Variants in ADK observed in about 807,000 individuals in gnomAD.
The protein encoded by ADK is adenosine kinase.
A neutral mutation model predicts 44.7 loss-of-function variants in ADK; 24 were observed. The observed-to-expected ratio is 0.54, with a 90% CI of 0.39 to 0.76. ADK has a LOEUF of 0.76. Among genes scored for constraint, ADK ranks in the 30% least tolerant of loss-of-function variants. The probability of loss-of-function intolerance (pLI) is 0.00; values close to 1 mark genes in which losing one functional copy is unlikely to be tolerated. For synonymous variants in ADK, 128 were observed against 142.6 expected, an observed-to-expected ratio of 0.90 and a Z score of 0.73; for missense variants, 321 against 425.1, an observed-to-expected ratio of 0.76 and a Z score of 2.15.
chr10:74,363,460 A>G (rs1018075736), intron 4 of ADK, among the ~76,000 whole-genome samples: 1 of 151,808 alleles, frequency 6.6e-6, no homozygotes, highest in African/African-American at 2.4e-5. Context: ...TGTGCTTGTC[A>G]TGTTGGCTCA....
At position 74,257,645 on chromosome 10, in the gene ADK, CTA is replaced by C. The variant is rs568503084; in HGVS notation, c.194+33056_194+33057del. ...TATGGTGGTTTATTGATTATCATAA[CTA>C]TGAATAATGAGTAAAAATTATACAA... On this transcript the variant is annotated intron_variant, in intron 3 of 10. Transcript: ENST00000539909. Among the ~76,000 whole-genome samples the C allele has an allele frequency of 3.9e-3, 590 of 152,080 alleles. 2 individuals carry two copies. The highest frequency in any genetic ancestry group is 7.2e-3 in the Non-Finnish European group (489 of 67,986).
At chr10:74,309,179 T>G (rs1840354930) in intron 3 of ADK, among the ~76,000 whole-genome samples, 1 of 152,148 alleles carries the variant, frequency 6.6e-6, no homozygotes, top group Non-Finnish European at 1.5e-5. Flanking sequence ...GCTTTTGTAT[T>G]CCTTATTGTT....
chr10:74,519,243 A>G (rs1848714016), intron 6 of ADK, among the ~76,000 whole-genome samples: 1 of 152,140 alleles, frequency 6.6e-6, no homozygotes, highest in South Asian at 2.1e-4. Flanking sequence ...CAATGTCAAA[A>G]TAAAATGTAG....
chr10:74,290,074 A>ACG (rs200106704), intron 3 of ADK, among the ~76,000 whole-genome samples: 2,873 of 147,630 alleles, frequency 0.019, 45 homozygotes, highest in Non-Finnish European at 0.029. Context: ...TAAACTACTC[A>ACG]CGCGCACACA....
In ADK at chr10:74,623,720, C is replaced by CATAT. The variant is rs149098919; in HGVS notation, c.877+23239_877+23242dup. 7.0e-3 allele frequency among the ~76,000 whole-genome samples: 1,033 copies of CATAT among 148,332 alleles called. 7 individuals carry two copies. Among genetic ancestry groups the CATAT allele is most frequent in the African/African-American group, 0.025 (999 of 40,662 alleles). On this transcript the variant is annotated intron_variant, in intron 9 of 10. Coordinates refer to ENST00000539909, the MANE Select transcript of ADK (RefSeq NM_006721.4). Reference sequence around the variant, plus strand: ...ATACATAATATATATGTATTCTAGGCATATATATATATATACACACACATT... The same window carrying CATAT: ...ATACATAATATATATGTATTCTAGGCATATATATATATATATATACACACACATT...
intron 6 of ADK, among the ~76,000 whole-genome samples, chr10:74,414,174 A>T (rs145202578): frequency 6.6e-6 from 1 of 152,232 alleles, no homozygotes; most frequent in Non-Finnish European, 1.5e-5. Context: ...TAATGACACC[A>T]TACTCAAGGC....
At chr10:74,662,575 C>G (rs949766271) in intron 9 of ADK, among the ~76,000 whole-genome samples, 1 of 152,146 alleles carries the variant, frequency 6.6e-6, no homozygotes, top group African/African-American at 2.4e-5. Flanking sequence ...GCCACTGTGC[C>G]CAGCAATATT....
chr10:74,189,702 C>T (rs761936770), intron 1 of ADK, among the ~76,000 whole-genome samples: 5 of 152,150 alleles, frequency 3.3e-5, no homozygotes, highest in South Asian at 2.1e-4. Flanking sequence ...AATTCCAGAA[C>T]GTTTTTGTCC....
intron 7 of ADK, among the ~76,000 whole-genome samples, chr10:74,528,752 A>G (rs1044323794): frequency 2.6e-5 from 4 of 152,334 alleles, no homozygotes; most frequent in Admixed American, 2.0e-4. Flanking sequence ...ACAGATGGCC[A>G]GTAAACACAT....
chr10:74,594,374 C>T (rs886129157), intron 8 of ADK, among the ~76,000 whole-genome samples: 6 of 140,832 alleles, frequency 4.3e-5, no homozygotes, highest in African/African-American at 1.9e-4. Context: ...ACTAGTAATT[C>T]AAATGAAGTG....
chr10:74,613,482 C>T (rs1852631617), intron 9 of ADK, among the ~76,000 whole-genome samples: 1 of 152,114 alleles, frequency 6.6e-6, no homozygotes, highest in South Asian at 2.1e-4. Context: ...CTACAGTTTA[C>T]TTTAAATAGT....
chr10:74,515,709 C>G (rs1282368879), intron 6 of ADK, among the ~76,000 whole-genome samples: 1 of 152,168 alleles, frequency 6.6e-6, no homozygotes, highest in Non-Finnish European at 1.5e-5. Context: ...GGCCATATCA[C>G]CTTCTCAGAG....
chr10:74,488,499 A>G (rs1003908623), intron 6 of ADK, among the ~76,000 whole-genome samples: 1 of 150,900 alleles, frequency 6.6e-6, no homozygotes, highest in African/African-American at 2.4e-5. Context: ...TGGTTTCAAG[A>G]TGAAATTTGA....
At chr10:74,423,509 G>A (rs1381055827) in intron 6 of ADK, 1 of 199,772 alleles carries the variant, frequency 5.0e-6, no homozygotes, top group African/African-American at 2.4e-5. Flanking sequence ...TGGAGCACCA[G>A]GTGCACTCTG....
intron 3 of ADK, among the ~76,000 whole-genome samples, chr10:74,267,786 G>GTGTGTGTGTGTGTGTC (rs1846271104): frequency 1.6e-5 from 2 of 124,898 alleles, no homozygotes; most frequent in Non-Finnish European, 3.5e-5. Flanking sequence ...GTGTGTGTGT[G>GTGTGTGTGTGTGTGTC]TGTGTGTCTG....
intron 6 of ADK, among the ~76,000 whole-genome samples, chr10:74,442,666 T>G (rs1471153605): frequency 1.3e-5 from 2 of 151,866 alleles, no homozygotes; most frequent in Non-Finnish European, 2.9e-5. Context: ...AATAAATAAT[T>G]AAATAAACGG....
Position 74,382,201 on chromosome 10 carries a change from C to G in ADK, c.274-11940C>G, listed in dbSNP as rs755915113. Among the ~76,000 whole-genome samples, 5 of 152,272 alleles carry G rather than the reference C, an allele frequency of 3.3e-5. No homozygotes were observed. In the South Asian group the frequency reaches 1.0e-3, roughly 32 times the overall value. The stretch of plus-strand genomic sequence containing the variant: ...GCAGCCTCTACCTCCCAGGCTCAGG[C>G]GATCCTCTCACCTCAGCCTCCTGAG... On this transcript the variant is annotated intron_variant, in intron 4 of 10. Transcript: ENST00000539909.
chr10:74,469,340 A>G (rs1391772237), intron 6 of ADK, among the ~76,000 whole-genome samples: 1 of 152,184 alleles, frequency 6.6e-6, no homozygotes, highest in Non-Finnish European at 1.5e-5. Context: ...CCTTGTCTCA[A>G]AAGAAAAATA....
intron 3 of ADK, among the ~76,000 whole-genome samples, chr10:74,231,758 G>T (rs910592113): frequency 6.7e-6 from 1 of 148,508 alleles, no homozygotes; most frequent in Non-Finnish European, 1.5e-5. Context: ...GAGCCACCAT[G>T]CCTGGCCAAG....
Sources: allele counts gnomAD v4.1 joint callset (sites outside exome capture counted in the v4.1 genomes callset), GRCh38; gene constraint gnomAD v4.1.1; transcripts MANE v1.5; gene names NCBI Gene and HGNC (gene_info 2026-07-23, HGNC 2026-07-21).